The following SEC16A variants were observed in gnomAD, a reference collection of about 807,000 sequenced individuals.
SEC16A encodes the protein protein transport protein Sec16A.
In SEC16A, 110 loss-of-function variants were observed where a neutral mutation model predicts 221.9. That is an observed-to-expected ratio of 0.50 (90% CI 0.42 to 0.58). SEC16A has a LOEUF of 0.58. Ranked by LOEUF, SEC16A falls within the 20% of genes least tolerant of loss-of-function variation. SEC16A has a pLI of 0.00. For synonymous variants in SEC16A, 1,393 were observed against 1,257.7 expected (o/e 1.11, Z -2.28); for missense variants, 3,165 against 3,097.8 (o/e 1.02, Z -0.52).
chr9:136,484,199 C>T (rs752272858), upstream of SEC16A: 28 of 290,336 alleles, frequency 9.6e-5, no homozygotes, highest in Non-Finnish European at 1.2e-4. Context: ...GCCGCCAGCC[C>T]CACAGGGGCG....
In SEC16A at chr9:136,476,728, A is replaced by C; in HGVS notation, c.888T>G (p.Ser296=). The change falls in exon 3 of 32, where the codon TCT becomes TCG. Residue 296 remains serine, a synonymous_variant. Transcript: ENST00000684901. The part of the protein sequence containing the change: ...LQSGSHLANN[S]DPESTFRQNP... ...TTTGCCTGAATGTACTTTCAGGATC[A>C]GAGTTATTGGCCAGGTGGCTTCCAC... 1 of 1,601,948 alleles carries C rather than the reference A, an allele frequency of 6.2e-7. No individual in the cohort carries two copies. The highest frequency in any genetic ancestry group is 8.5e-7 in the Non-Finnish European group (1 of 1,172,554).
At position 136,474,970 on chromosome 9, in the gene SEC16A, G is replaced by C; in HGVS notation, c.2646C>G (p.Asn882Lys). ...TGGTTGGAATCCCAGACAAAGAAGT[G>C]TTCTCCCCAGAATCACCACCGAGAG... ...SWALGGDSGE[N>K]TSLSGIPTSS... The change falls in exon 3 of 32, where the codon AAC becomes AAG. Residue 882 changes from asparagine to lysine, a missense_variant. Transcript: ENST00000684901. 1.3e-6 allele frequency: 2 copies of C among 1,599,532 alleles called. No individual in the cohort carries two copies. Among genetic ancestry groups the C allele is most frequent in the Non-Finnish European group, 1.7e-6 (2 of 1,172,132 alleles).
intron 23 of SEC16A, among the ~76,000 whole-genome samples, chr9:136,450,827 A>G (rs1038775483): frequency 7.9e-5 from 12 of 152,096 alleles, no homozygotes; most frequent in Non-Finnish European, 1.2e-4. Context: ...CCTAAGAAAA[A>G]CAAGCGCATT....
In SEC16A at chr9:136,482,863, A is replaced by G. The variant is rs1272061801; in HGVS notation, c.-192+75T>C. The G allele has an allele frequency of 1.6e-5, 9 of 575,136 alleles. No individual in the cohort carries two copies. In the African/African-American group the frequency reaches 1.8e-4, roughly 12 times the overall value. The allele number at this position is 575,136 out of a possible 1,614,324, so 35.6% of individuals were successfully genotyped here. On this transcript the variant is annotated intron_variant, in intron 1 of 31. Transcript: ENST00000684901. ...TCCTCTCCTCCGCGCCCCGACCTCC[A>G]CGGCCTGGCTCCGCCGGCCGGCCTC...
chr9:136,462,335 A>AC (rs1643483756), intron 12 of SEC16A, among the ~76,000 whole-genome samples: 1 of 151,668 alleles, frequency 6.6e-6, no homozygotes, highest in Non-Finnish European at 1.5e-5. Context: ...GTCACTATGG[A>AC]CCCCCCAACC....
chr9:136,483,916 G>A (rs1291537981), upstream of SEC16A: 12 of 470,914 alleles, frequency 2.5e-5, no homozygotes, highest in Non-Finnish European at 3.3e-5. Flanking sequence ...CCGGAAGTTG[G>A]TCGATGGCTG....
chr9:136,444,081 G>A (rs1020371182), intron 30 of SEC16A, 181 bp from the exon 31 acceptor site: 2 of 523,190 alleles, frequency 3.8e-6, no homozygotes, highest in East Asian at 6.8e-5. Context: ...AGAGAAAAAT[G>A]GTGAAAATCA....
At position 136,448,440 on chromosome 9, in the gene SEC16A, G is replaced by A. The variant is rs774573881; in HGVS notation, c.6313-279C>T. The A allele has an allele frequency of 1.4e-4, 102 of 709,846 alleles. No individual in the cohort carries two copies. The East Asian group carries it at 2.8e-3, about 19-fold the overall frequency. 44.0% of individuals were successfully genotyped at this position (709,846 alleles called of 1,614,324 possible). A position where few individuals can be genotyped will look rare whatever the true frequency, so the allele number is the denominator to read the frequency against. On this transcript the variant is annotated intron_variant, in intron 23 of 31. Coordinates refer to ENST00000684901, the MANE Select transcript of SEC16A (RefSeq NM_014866.2). ...TGGGGGGCGATCCACAGAGACACCA[G>A]GAGGATGGAGGTGGGAGCAGATCCA...
At chr9:136,473,317 C>T (rs1157190520) in intron 3 of SEC16A, among the ~76,000 whole-genome samples, 2 of 152,232 alleles carry the variant, frequency 1.3e-5, no homozygotes, top group Non-Finnish European at 2.9e-5. Context: ...TCGGTGAACC[C>T]AATCGGTGTA....
chr9:136,453,573 G>A (rs372350886), intron 21 of SEC16A, 63 bp from the exon 22 acceptor site: 8 of 1,354,328 alleles, frequency 5.9e-6, no homozygotes, highest in African/African-American at 1.4e-5. Flanking sequence ...TGTGTGTGGC[G>A]CACAGATCAA....
At chr9:136,455,886 T>C in intron 19 of SEC16A, 93 bp from the exon 20 acceptor site, 1 of 1,346,818 alleles carries the variant, frequency 7.4e-7, no homozygotes, top group Non-Finnish European at 1.0e-6. Context: ...GTGTCCCTAC[T>C]TCAGGACAGG....
chr9:136,446,374 G>C (rs1315747344), intron 28 of SEC16A, among the ~76,000 whole-genome samples: 1 of 151,718 alleles, frequency 6.6e-6, no homozygotes, highest in Non-Finnish European at 1.5e-5. Flanking sequence ...CTCCCAAAGA[G>C]CTGGGATTAC....
chr9:136,480,101 A>C (rs1402175738), intron 1 of SEC16A, among the ~76,000 whole-genome samples: 1 of 152,238 alleles, frequency 6.6e-6, no homozygotes. Context: ...CTCATCTGAA[A>C]ACAAAGAATG....
chr9:136,468,299 AAG>A, intron 5 of SEC16A, 114 bp downstream of exon 5: 1 of 583,416 alleles, frequency 1.7e-6, no homozygotes, highest in Non-Finnish European at 3.1e-6. Context: ...AGATTAATAA[AAG>A]GGGACATTTC....
chr9:136,470,422 C>T (rs910654448), intron 4 of SEC16A, among the ~76,000 whole-genome samples: 4 of 152,252 alleles, frequency 2.6e-5, no homozygotes, highest in African/African-American at 9.6e-5. Context: ...CTGGCTGTCT[C>T]TCCTCCGTGC....
chr9:136,460,248 A>C, intron 13 of SEC16A, 125 bp from the exon 14 acceptor site: 2 of 674,416 alleles, frequency 3.0e-6, no homozygotes, highest in Non-Finnish European at 5.1e-6. Flanking sequence ...GGATCACCTG[A>C]GGTCAGAAGT....
chr9:136,466,465 A>G lies in SEC16A; in HGVS notation c.3930-3T>C. The G allele has an allele frequency of 6.3e-7, 1 of 1,598,028 alleles. No homozygotes were observed. Among genetic ancestry groups the G allele is most frequent in the Admixed American group, 1.7e-5 (1 of 58,628 alleles). On this transcript the variant is annotated splice_region_variant and splice_polypyrimidine_tract_variant and intron_variant, in intron 6 of 31. Coordinates refer to ENST00000684901, the MANE Select transcript of SEC16A (RefSeq NM_014866.2). This position sits in a 1 kb window ranked among gnomAD's most constrained non-coding sequence, Gnocchi z 5.5. Reference sequence around the variant, plus strand: ...AGTTGTTGTCACGTTTCTCGGGCCTAGAGGAAGCCGGGGGACAGAGGCAGA... The same window carrying G: ...AGTTGTTGTCACGTTTCTCGGGCCTGGAGGAAGCCGGGGGACAGAGGCAGA...
chr9:136,479,844 CAAA>C (rs374420553), intron 1 of SEC16A, among the ~76,000 whole-genome samples: 3 of 146,460 alleles, frequency 2.0e-5, no homozygotes, highest in African/African-American at 7.5e-5. Context: ...ACCCCATCAC[CAAA>C]AAAAAAATGC....
rs1201308285 is a variant in SEC16A, at chr9:136,447,055, A to T, written c.6698-106T>A. 6.4e-7 allele frequency: 1 copy of T among 1,567,556 alleles called. No individual in the cohort carries two copies. Among genetic ancestry groups the T allele is most frequent in the East Asian group, 2.3e-5 (1 of 44,392 alleles). Reference sequence around the variant, plus strand: ...GAGTTTCACACTGCACACGCGGCACACTCATGCAGAAACAGGCAAATCAAA... The same window carrying T: ...GAGTTTCACACTGCACACGCGGCACTCTCATGCAGAAACAGGCAAATCAAA... On this transcript the variant is annotated intron_variant, in intron 27 of 31. Coordinates refer to ENST00000684901, the MANE Select transcript of SEC16A (RefSeq NM_014866.2). The surrounding 1 kb of genome is among the most constrained non-coding windows in gnomAD (Gnocchi z 5.5).
Sources: allele counts gnomAD v4.1 joint callset (sites outside exome capture counted in the v4.1 genomes callset), GRCh38; gene constraint gnomAD v4.1.1; non-coding constraint Gnocchi (gnomAD v3.1); transcripts MANE v1.5; gene names NCBI Gene and HGNC (gene_info 2026-07-23, HGNC 2026-07-21).